The following TEX9 variants were observed in gnomAD, a reference collection of about 807,000 sequenced individuals.
The protein encoded by TEX9 is testis-expressed protein 9.
A neutral mutation model predicts 59.6 loss-of-function variants in TEX9; 74 were observed. The observed-to-expected ratio is 1.24, with a 90% confidence interval of 1.03 to 1.51. The LOEUF is 1.51. Ranked by LOEUF, TEX9 falls within the 40% of genes most tolerant of loss-of-function variation. The pLI, the probability that TEX9 is intolerant of heterozygous loss-of-function variation, is 0.00. For synonymous variants in TEX9, 186 were observed against 152.2 expected (o/e 1.22, Z -1.64); for missense variants, 522 against 447.8 (o/e 1.17, Z -1.49).
chr15:56,277,551 G>A lies in TEX9; in HGVS notation c.-107+33273G>A, dbSNP rs2044702665. 2.6e-5 allele frequency among the ~76,000 whole-genome samples: 4 copies of A among 152,314 alleles called. No homozygotes were observed. The East Asian group carries it at 5.8e-4, about 22-fold the overall frequency. ...GGTCTATAGATCTGTTTTGGTACCA[G>A]TACTATGCTGTTTTGGTTACTGTAG... On this transcript the variant is annotated intron_variant, in intron 1 of 5. Coordinates refer to the TEX9 transcript ENST00000560827.
chr15:56,244,109 G>T (rs1184721298), exon 1 of TEX9: 1 of 151,982 alleles, frequency 6.6e-6, no homozygotes, highest in African/African-American at 2.4e-5. Flanking sequence ...GAGAACTTGC[G>T]TGAGGAGGAG....
intron 1 of TEX9, chr15:56,244,303 G>C (rs2141260702): frequency 6.6e-6 from 1 of 152,412 alleles, no homozygotes; most frequent in South Asian, 2.1e-4. Context: ...TGACTTTTCA[G>C]AAGCCCCCAA....
chr15:56,303,185 G>C (rs1420288893), intron 1 of TEX9, among the ~76,000 whole-genome samples: 1 of 152,128 alleles, frequency 6.6e-6, no homozygotes, highest in Non-Finnish European at 1.5e-5. Flanking sequence ...CATTGGACTT[G>C]ATCTGTACTA....
chr15:56,454,435 C>T, the TEX9 span, among the ~76,000 whole-genome samples: 2 of 152,120 alleles, frequency 1.3e-5, no homozygotes, highest in Admixed American at 6.5e-5. Flanking sequence ...CTATGAAATA[C>T]TAGGTCCTAC....
chr15:56,394,853 T>A lies in TEX9; in HGVS notation c.828+19T>A, dbSNP rs367699476. The A allele has an allele frequency of 4.3e-5, 68 of 1,597,118 alleles. No homozygotes were observed. Among genetic ancestry groups the A allele is most frequent in the Non-Finnish European group, 5.7e-5 (67 of 1,174,174 alleles). ...AGAAAGGGTAATTATTTGGTATTTT[T>A]CCTAACTTAATGCCACAGATACAAG... On this transcript the variant is annotated intron_variant, in intron 9 of 12. Transcript: ENST00000352903.
At position 56,444,619 on chromosome 15, in the gene TEX9, T is replaced by C. The variant is rs1401576464; in HGVS notation, c.*30-1052T>C. The C allele has an allele frequency of 1.2e-6, 2 of 1,613,424 alleles. No homozygotes were observed. The highest frequency in any genetic ancestry group is 3.3e-5 in the Admixed American group (2 of 60,000). On this transcript the variant is annotated intron_variant, in intron 12 of 12. Coordinates refer to ENST00000352903, the Ensembl canonical transcript of TEX9. ...TTGTCTTCTGCAGCATTCTCTTCCT[T>C]TATTATTCTCTTGTGTTCTTCCATC...
chr15:56,300,250 T>C (rs1204635885), intron 1 of TEX9, among the ~76,000 whole-genome samples: 2 of 147,622 alleles, frequency 1.4e-5, no homozygotes, highest in Admixed American at 6.7e-5. Flanking sequence ...CCTGGGGTGA[T>C]GATGGCCATG....
intron 10 of TEX9, among the ~76,000 whole-genome samples, chr15:56,426,626 TACACACAC>T (rs1186314291): frequency 2.1e-5 from 1 of 47,178 alleles, no homozygotes; most frequent in African/African-American, 5.3e-5. Flanking sequence ...TATATATATA[TACACACAC>T]ACAAACACAC....
At chr15:56,344,613 A>C (rs2046432303) in intron 1 of TEX9, among the ~76,000 whole-genome samples, 1 of 152,066 alleles carries the variant, frequency 6.6e-6, no homozygotes, top group South Asian at 2.1e-4. Flanking sequence ...CTCTGTGAAA[A>C]ACCACAGAAT....
At chr15:56,435,721 A>G (rs767114225) in intron 12 of TEX9, among the ~76,000 whole-genome samples, 6 of 152,074 alleles carry the variant, frequency 3.9e-5, no homozygotes, top group African/African-American at 7.2e-5. Context: ...GGATGGTTTC[A>G]CTAGAAAATT....
intron 1 of TEX9, among the ~76,000 whole-genome samples, chr15:56,348,493 G>C (rs550872525): frequency 6.6e-6 from 1 of 151,920 alleles, no homozygotes; most frequent in African/African-American, 2.4e-5. Flanking sequence ...CTTCATTATT[G>C]GCATATATTT....
At chr15:56,364,231 G>A (rs377066549), upstream of TEX9, among the ~76,000 whole-genome samples, 2 of 151,510 alleles carry the variant, frequency 1.3e-5, no homozygotes, top group Non-Finnish European at 2.9e-5. Flanking sequence ...TCAGCTCACC[G>A]CAACCTCTGC....
intron 4 of TEX9, among the ~76,000 whole-genome samples, chr15:56,386,840 G>C (rs1357908361): frequency 2.0e-5 from 3 of 151,810 alleles, no homozygotes; most frequent in African/African-American, 7.3e-5. Flanking sequence ...TGTTTGAACA[G>C]ATGGCTTTTA....
At chr15:56,303,415 A>G (rs777698930) in intron 1 of TEX9, among the ~76,000 whole-genome samples, 3 of 152,162 alleles carry the variant, frequency 2.0e-5, no homozygotes, top group African/African-American at 4.8e-5. Context: ...AACTATACAG[A>G]TACACGGAAA....
At chr15:56,273,594 A>G (rs2044600456) in intron 1 of TEX9, among the ~76,000 whole-genome samples, 1 of 151,798 alleles carries the variant, frequency 6.6e-6, no homozygotes, top group African/African-American at 2.4e-5. Flanking sequence ...GTGTAGATTT[A>G]AATTTCTGTC....
At chr15:56,446,885 C>T (rs1398383830), downstream of TEX9, 2 of 1,610,596 alleles carry the variant, frequency 1.2e-6, no homozygotes, top group Non-Finnish European at 1.7e-6. Context: ...ATCTGAGCTG[C>T]CCTTTCTTTA....
chr15:56,315,794 G>A (rs1469103906), intron 1 of TEX9, among the ~76,000 whole-genome samples: 2 of 148,048 alleles, frequency 1.4e-5, no homozygotes, highest in African/African-American at 2.4e-5. Flanking sequence ...ACACCAATCA[G>A]ATGTAGATTT....
chr15:56,328,615 C>G (rs781466326), intron 1 of TEX9, among the ~76,000 whole-genome samples: 1 of 152,148 alleles, frequency 6.6e-6, no homozygotes, highest in African/African-American at 2.4e-5. Flanking sequence ...AGCCCTTGGA[C>G]TTAAAGTGAA....
At chr15:56,446,209 A>G (rs1183120465), downstream of TEX9, among the ~76,000 whole-genome samples, 1 of 152,032 alleles carries the variant, frequency 6.6e-6, no homozygotes, top group Non-Finnish European at 1.5e-5. Flanking sequence ...ATAAACATTC[A>G]TATATAATTG....
Sources: allele counts gnomAD v4.1 joint callset (sites outside exome capture counted in the v4.1 genomes callset), GRCh38; gene constraint gnomAD v4.1.1; transcripts MANE v1.5; gene names NCBI Gene and HGNC (gene_info 2026-07-23, HGNC 2026-07-21).